Variants in CLSTN2 observed in about 807,000 individuals in gnomAD.
The protein encoded by CLSTN2 is calsyntenin-2.
Under a neutral mutation model 101.2 loss-of-function variants are expected in CLSTN2, and 48 were observed. The ratio of observed to expected loss-of-function variants is 0.47; its 90% CI spans 0.38 to 0.60. The LOEUF is 0.60. Ranked by LOEUF, CLSTN2 falls within the 20% of genes least tolerant of loss-of-function variation. CLSTN2 has a pLI of 0.00. For synonymous variants in CLSTN2, 481 were observed against 463.6 expected, an observed-to-expected ratio of 1.04 and a Z score of -0.48; for missense variants, 1,160 against 1,238.2, an observed-to-expected ratio of 0.94 and a Z score of 0.95.
chr3:140,163,054 A>G (rs1043294658), intron 1 of CLSTN2, among the ~76,000 whole-genome samples: 1 of 152,152 alleles, frequency 6.6e-6, no homozygotes, highest in African/African-American at 2.4e-5. Context: ...AGTCTTAAAA[A>G]CTTCTTCAGT....
intron 1 of CLSTN2, among the ~76,000 whole-genome samples, chr3:139,963,412 G>A (rs1284402157): frequency 6.6e-6 from 1 of 151,990 alleles, no homozygotes; most frequent in Non-Finnish European, 1.5e-5. Flanking sequence ...TTTTCCTCCT[G>A]TATGCCCAAT....
chr3:140,466,718 G>C lies in CLSTN2; in HGVS notation c.1331G>C (p.Trp444Ser). 1 of 1,614,070 alleles carries C rather than the reference G, an allele frequency of 6.2e-7. No homozygotes were observed. The highest frequency in any genetic ancestry group is 8.5e-7 in the Non-Finnish European group (1 of 1,180,012). The change falls in exon 8 of 17, where the codon TGG (tryptophan) becomes TCG (serine). Residue 444 changes from tryptophan to serine, a missense_variant. Physicochemically the swap from Trp to Ser is radical, Grantham distance 177. Transcript: ENST00000458420. ...ADTFRPAEFH[W>S]KLDQICDKEW... ...ACCTTTCGCCCCGCGGAGTTCCACT[G>C]GAAGCTGGATCAGGTATGGTGCTCA...
intron 1 of CLSTN2, among the ~76,000 whole-genome samples, chr3:139,960,300 A>G (rs532087369): frequency 9.2e-5 from 14 of 152,192 alleles, no homozygotes; most frequent in African/African-American, 2.9e-4. Context: ...TCTCATTCAC[A>G]TCTTCTCTTT....
At chr3:140,408,566 G>A (rs760154104) in intron 4 of CLSTN2, among the ~76,000 whole-genome samples, 3 of 152,152 alleles carry the variant, frequency 2.0e-5, no homozygotes, top group Non-Finnish European at 4.4e-5. Context: ...TGCCACTGAG[G>A]AAACCAACAA....
intron 2 of CLSTN2, among the ~76,000 whole-genome samples, chr3:140,351,915 T>C (rs774901135): frequency 1.3e-5 from 2 of 151,982 alleles, no homozygotes; most frequent in Non-Finnish European, 2.9e-5. Flanking sequence ...AGTACTGATA[T>C]GTGTAGATTA....
chr3:140,276,417 C>G (rs932834617), intron 2 of CLSTN2, among the ~76,000 whole-genome samples: 1 of 152,108 alleles, frequency 6.6e-6, no homozygotes, highest in Non-Finnish European at 1.5e-5. Context: ...GAGTAAGGGT[C>G]TAGTGTAAAG....
intron 2 of CLSTN2, among the ~76,000 whole-genome samples, chr3:140,227,865 A>T (rs559444516): frequency 1.8e-4 from 27 of 152,274 alleles, no homozygotes; most frequent in Non-Finnish European, 1.6e-4. Flanking sequence ...TCACAGCTGG[A>T]GTGGCTGGGA....
chr3:140,416,378 AAC>A (rs3035956), intron 4 of CLSTN2, among the ~76,000 whole-genome samples: 9 of 151,170 alleles, frequency 6.0e-5, no homozygotes, highest in South Asian at 2.1e-4. Context: ...CACACACACA[AAC>A]ACACACACAC....
intron 1 of CLSTN2, among the ~76,000 whole-genome samples, chr3:140,170,744 G>T (rs1329106621): frequency 2.0e-5 from 3 of 152,204 alleles, no homozygotes; most frequent in African/African-American, 7.2e-5. Context: ...AGCAAGCAGG[G>T]TGGTAAGTCT....
At chr3:140,524,835 C>T (rs537718172) in intron 8 of CLSTN2, among the ~76,000 whole-genome samples, 1 of 152,298 alleles carries the variant, frequency 6.6e-6, no homozygotes, top group East Asian at 1.9e-4. Context: ...ACAACTTTCT[C>T]CTGAATAACC....
chr3:140,481,029 T>A (rs960977165), intron 8 of CLSTN2, among the ~76,000 whole-genome samples: 1 of 152,242 alleles, frequency 6.6e-6, no homozygotes, highest in African/African-American at 2.4e-5. Flanking sequence ...CCCATGCCTA[T>A]GTCCTGAATG....
intron 5 of CLSTN2, among the ~76,000 whole-genome samples, chr3:140,423,284 T>C (rs2107992642): frequency 6.6e-6 from 1 of 152,332 alleles, no homozygotes; most frequent in South Asian, 2.1e-4. Context: ...CACACTGCTG[T>C]TTGCAGCTCT....
intron 2 of CLSTN2, among the ~76,000 whole-genome samples, chr3:140,357,510 A>G (rs1040420512): frequency 4.6e-5 from 7 of 151,812 alleles, no homozygotes; most frequent in African/African-American, 1.5e-4. Flanking sequence ...GGGTGGGGAC[A>G]GACCCACAGA....
intron 2 of CLSTN2, among the ~76,000 whole-genome samples, chr3:140,196,561 G>T (rs1018128690): frequency 6.6e-6 from 1 of 152,194 alleles, no homozygotes; most frequent in African/African-American, 2.4e-5. Flanking sequence ...ACCCTTGCTG[G>T]TCATCAGGGT....
chr3:140,472,758 A>C lies in CLSTN2; in HGVS notation c.1344+6027A>C, dbSNP rs1381491538. Among the ~76,000 whole-genome samples, 3 of 152,174 alleles carry C rather than the reference A, an allele frequency of 2.0e-5. No homozygotes were observed. The East Asian group carries it at 5.8e-4, about 29-fold the overall frequency. On this transcript the variant is annotated intron_variant, in intron 8 of 16. Transcript: ENST00000458420. Reference sequence around the variant, plus strand: ...TCCGAATGACTTTTTCTATGACATCAAATTGCAGGGTTGTTCTGGGTGAAT... The same window carrying C: ...TCCGAATGACTTTTTCTATGACATCCAATTGCAGGGTTGTTCTGGGTGAAT...
intron 1 of CLSTN2, among the ~76,000 whole-genome samples, chr3:140,128,237 G>C (rs913898826): frequency 1.3e-5 from 2 of 152,070 alleles, no homozygotes; most frequent in African/African-American, 4.8e-5. Flanking sequence ...TTGAAAAAAA[G>C]AAAAAGGAAA....
At chr3:140,016,318 G>A (rs2107753618) in intron 1 of CLSTN2, among the ~76,000 whole-genome samples, 1 of 152,326 alleles carries the variant, frequency 6.6e-6, no homozygotes, top group African/African-American at 2.4e-5. Flanking sequence ...GACCTATGGA[G>A]TGGTTATACA....
intron 2 of CLSTN2, among the ~76,000 whole-genome samples, chr3:140,268,002 A>G (rs1288053633): frequency 6.6e-6 from 1 of 152,194 alleles, no homozygotes; most frequent in Non-Finnish European, 1.5e-5. Context: ...TTATCTTTAA[A>G]CACAGGCTAC....
In CLSTN2 at chr3:140,562,318, C is replaced by T. The variant is rs1935932896; in HGVS notation, c.2212+10C>T. 6.2e-7 allele frequency: 1 copy of T among 1,608,616 alleles called. No homozygotes were observed. The highest frequency in any genetic ancestry group is 8.5e-7 in the Non-Finnish European group (1 of 1,178,002). On this transcript the variant is annotated intron_variant, in intron 13 of 16. Transcript: ENST00000458420. ...GGCTACTCCATCTACGGTAAGGCCACACTCAGCCCCCTTTGCCCCAAGGGT... is the reference window on the plus strand; with the variant it reads ...GGCTACTCCATCTACGGTAAGGCCATACTCAGCCCCCTTTGCCCCAAGGGT...
Sources: gnomAD v4.1 joint callset for allele counts (sites outside exome capture counted in the v4.1 genomes callset) on GRCh38, gnomAD v4.1.1 for gene constraint, MANE v1.5 for transcripts, NCBI Gene and HGNC (gene_info 2026-07-23, HGNC 2026-07-21) for gene names.